The following GCN1 variants were observed in gnomAD, a reference collection of about 807,000 sequenced individuals.
GCN1 encodes GCN1 activator of EIF2AK4.
In GCN1, 90 loss-of-function variants were observed where a neutral mutation model predicts 288.4. The ratio of observed to expected loss-of-function variants is 0.31; its 90% CI spans 0.26 to 0.37. The LOEUF (loss-of-function observed/expected upper bound fraction) is 0.37, where lower values mean the gene tolerates loss of function less well. Ranked by LOEUF, GCN1 falls within the 10% of genes least tolerant of loss-of-function variation. The pLI, the probability that GCN1 is intolerant of heterozygous loss-of-function variation, is 1.00. For missense variants in GCN1, 2,586 were observed against 3,419.9 expected, an observed-to-expected ratio of 0.76 and a Z score of 6.08; for synonymous variants, 1,386 against 1,420.2, an observed-to-expected ratio of 0.98 and a Z score of 0.54.
At chr12:120,169,066 T>G (rs1006208813) in intron 15 of GCN1, among the ~76,000 whole-genome samples, 14 of 151,612 alleles carry the variant, frequency 9.2e-5, no homozygotes, top group Non-Finnish European at 5.9e-5. Flanking sequence ...GAGGCTGAGG[T>G]GGGTGGATCA....
Position 120,156,563 on chromosome 12 carries a change from G to A in GCN1, c.3210C>T (p.Ser1070=), listed in dbSNP as rs1180444753. 6.2e-7 allele frequency: 1 copy of A among 1,613,696 alleles called. No individual in the cohort carries two copies. Among genetic ancestry groups the A allele is most frequent in the African/African-American group, 1.3e-5 (1 of 74,914 alleles). ...SDTLTTLCAS[S]SGDDGCAFAE... ...CAAAGGCACAGCCATCATCACCACTGCTGCTGGCACACAGGGTGGTCAGGG... is the reference window on the plus strand; with the variant it reads ...CAAAGGCACAGCCATCATCACCACTACTGCTGGCACACAGGGTGGTCAGGG... Residue 1070 remains serine, a synonymous_variant, in exon 28 of 58, where the codon AGC becomes AGT. Transcript: ENST00000300648. This position sits in a 1 kb window ranked among gnomAD's most constrained non-coding sequence, Gnocchi z 5.8.
intron 34 of GCN1, among the ~76,000 whole-genome samples, chr12:120,150,814 G>C (rs1877522662): frequency 1.3e-5 from 2 of 152,138 alleles, no homozygotes; most frequent in South Asian, 4.1e-4. Context: ...GCGGGCGCCT[G>C]TGGTCCCAGC....
In GCN1 at chr12:120,166,742, G is replaced by A. The variant is rs1594279316; in HGVS notation, c.1612+1466C>T. 2.0e-5 allele frequency among the ~76,000 whole-genome samples: 3 copies of A among 151,510 alleles called. No homozygotes were observed. In the East Asian group the frequency reaches 5.8e-4, roughly 29 times the overall value. ...AAAAATTACTAAGGCCAGGCACGAT[G>A]GCTCATGTCTGTAACACCAACACTT... On this transcript the variant is annotated intron_variant, in intron 16 of 57. Coordinates refer to ENST00000300648, the MANE Select transcript of GCN1 (RefSeq NM_006836.2).
Position 120,156,426 on chromosome 12 carries a change from G to A in GCN1, c.3312+35C>T. 1.2e-6 allele frequency: 2 copies of A among 1,603,470 alleles called. No individual in the cohort carries two copies. The highest frequency in any genetic ancestry group is 1.7e-6 in the Non-Finnish European group (2 of 1,172,624). ...AATTTGCACTTGCATAGAGTGACAA[G>A]GGACACTGCAGTGGCTCTGAGACTG... On this transcript the variant is annotated intron_variant, in intron 28 of 57. Coordinates refer to ENST00000300648, the MANE Select transcript of GCN1 (RefSeq NM_006836.2). The surrounding 1 kb of genome is among the most constrained non-coding windows in gnomAD (Gnocchi z 5.8).
chr12:120,189,101 G>C (rs888780464), intron 2 of GCN1, among the ~76,000 whole-genome samples: 9 of 152,204 alleles, frequency 5.9e-5, no homozygotes, highest in South Asian at 2.1e-4. Flanking sequence ...ACGGAGTCTT[G>C]CTCTGTCGCC....
In GCN1 at chr12:120,131,121, T is replaced by C. The variant is rs1407965857; in HGVS notation, c.7563+64A>G. On this transcript the variant is annotated intron_variant, in intron 55 of 57. Transcript: ENST00000300648. ...CCCAGTCTGGGGTCCACCCGCGCTGTGTCCACAAGGTGCTGCCTATGGGAT... is the reference window on the plus strand; with the variant it reads ...CCCAGTCTGGGGTCCACCCGCGCTGCGTCCACAAGGTGCTGCCTATGGGAT... The C allele has an allele frequency of 7.4e-6, 11 of 1,485,168 alleles. No homozygotes were observed. In the Admixed American group the frequency reaches 1.0e-4, roughly 14 times the overall value. 92.0% of individuals were successfully genotyped at this position (1,485,168 alleles called of 1,614,324 possible). A position where few individuals can be genotyped will look rare whatever the true frequency, so the allele number is the denominator to read the frequency against.
intron 12 of GCN1, among the ~76,000 whole-genome samples, chr12:120,174,767 G>A (rs1334801021): frequency 1.4e-5 from 2 of 141,562 alleles, no homozygotes; most frequent in Non-Finnish European, 3.0e-5. Flanking sequence ...CTCCGGCCTG[G>A]CGACAGAGTG....
At chr12:120,187,271 GGC>G (rs1356834700) in intron 2 of GCN1, among the ~76,000 whole-genome samples, 2 of 149,372 alleles carry the variant, frequency 1.3e-5, no homozygotes, top group African/African-American at 4.9e-5. Flanking sequence ...GGAGTGCAAT[GGC>G]GCAATCTCAG....
intron 38 of GCN1, 68 bp downstream of exon 38, chr12:120,146,984 C>G: frequency 3.3e-6 from 3 of 904,514 alleles, no homozygotes; most frequent in Non-Finnish European, 4.8e-6. Context: ...TGTGGGGACT[C>G]TGCACCTCTG....
intron 1 of GCN1, among the ~76,000 whole-genome samples, chr12:120,193,547 C>T (rs1452939121): frequency 6.6e-6 from 1 of 152,182 alleles, no homozygotes; most frequent in Non-Finnish European, 1.5e-5. Context: ...TCAACTGATC[C>T]ACCCGCCTTG....
chr12:120,142,787 C>A lies in GCN1; in HGVS notation c.5613+37G>T. The A allele has an allele frequency of 6.3e-7, 1 of 1,597,368 alleles. No individual in the cohort carries two copies. The highest frequency in any genetic ancestry group is 8.6e-7 in the Non-Finnish European group (1 of 1,164,750). ...TATGGCATGGGCATCAGGGCACACC[C>A]TACCATCAGCAGGGGCAGGAAAGCC... On this transcript the variant is annotated intron_variant, in intron 43 of 57. Coordinates refer to ENST00000300648, the MANE Select transcript of GCN1 (RefSeq NM_006836.2). The surrounding 1 kb of genome is among the most constrained non-coding windows in gnomAD (Gnocchi z 4.9).
chr12:120,157,098 A>G, intron 26 of GCN1, 106 bp from the exon 27 acceptor site: 1 of 714,980 alleles, frequency 1.4e-6, no homozygotes, highest in Non-Finnish European at 2.5e-6. Context: ...ATTCTGGATC[A>G]TACAACCGGC....
In GCN1 at chr12:120,127,765, T is replaced by G; in HGVS notation, c.*84A>C. 7.0e-7 allele frequency: 1 copy of G among 1,429,082 alleles called. No homozygotes were observed. Among genetic ancestry groups the G allele is most frequent in the Non-Finnish European group, 9.7e-7 (1 of 1,030,062 alleles). The allele number at this position is 1,429,082 out of a possible 1,614,324, so 88.5% of individuals were successfully genotyped here. A position where few individuals can be genotyped will look rare whatever the true frequency, so the allele number is the denominator to read the frequency against. ...TTTCTGGGAACGCCATCTTCCAAGC[T>G]CCCCATTGGAACAAATGTATTTTCA... On this transcript the variant is annotated 3_prime_UTR_variant, in exon 58 of 58. Coordinates refer to ENST00000300648, the MANE Select transcript of GCN1 (RefSeq NM_006836.2).
chr12:120,142,691 C>T lies in GCN1; in HGVS notation c.5645G>A (p.Arg1882Gln), dbSNP rs1358968524. The T allele has an allele frequency of 6.2e-7, 1 of 1,614,074 alleles. No homozygotes were observed. The highest frequency in any genetic ancestry group is 1.1e-5 in the South Asian group (1 of 91,080). Residue 1882 changes from arginine (R) to glutamine (Q), a missense_variant, in exon 44 of 58, where the codon CGG (arginine) becomes CAG (glutamine). By Grantham distance (43) the Arg-to-Gln change is conservative (BLOSUM62 1). This residue lies in a region of GCN1 where 437 missense variants were observed against 570.5 expected (regional missense o/e 0.77). Coordinates refer to ENST00000300648, the MANE Select transcript of GCN1 (RefSeq NM_006836.2). The surrounding 1 kb of genome is among the most constrained non-coding windows in gnomAD (Gnocchi z 4.9). ...GTACAGCCCTGCCAACACCCGGTTC[C>T]GCCGCTCTACCCCCAGGGCAGTGAT... ...AIITALGVERRNRVLAGLYMG... is the reference protein window; with the variant it reads ...AIITALGVERQNRVLAGLYMG...
Position 120,177,609 on chromosome 12 carries a change from C to CA in GCN1, c.730-55dup, listed in dbSNP as rs1315490218. The CA allele has an allele frequency of 9.7e-6, 15 of 1,547,014 alleles. No individual in the cohort carries two copies. In the East Asian group the frequency reaches 2.0e-4, roughly 21 times the overall value. On this transcript the variant is annotated intron_variant, in intron 8 of 57. Coordinates refer to ENST00000300648, the MANE Select transcript of GCN1 (RefSeq NM_006836.2). ...GCCCTCATGGGAACGGACCAAGAAG[C>CA]AAAAAAGAGTTCAGCATCCCAGAAT...
At chr12:120,181,839 CAAAAA>C (rs1253486479) in intron 5 of GCN1, among the ~76,000 whole-genome samples, 2 of 59,954 alleles carry the variant, frequency 3.3e-5, no homozygotes, top group South Asian at 5.4e-4. Flanking sequence ...AACTCCGTCT[CAAAAA>C]AAAAAAAAAA....
intron 37 of GCN1, 146 bp from the exon 38 acceptor site, chr12:120,147,418 A>G: frequency 2.2e-6 from 1 of 460,434 alleles, no homozygotes; most frequent in Non-Finnish European, 3.9e-6. Context: ...GCTGGGGAAG[A>G]CAGGAAACCC....
chr12:120,186,946 C>T lies in GCN1; in HGVS notation c.122-2059G>A, dbSNP rs145270020. On this transcript the variant is annotated intron_variant, in intron 2 of 57. Coordinates refer to ENST00000300648, the MANE Select transcript of GCN1 (RefSeq NM_006836.2). The stretch of plus-strand genomic sequence containing the variant: ...ACTAGAGGCCTGTGACTGGAAAGAT[C>T]GGTATCACATGGCTGCCTTTTCTAA... Among the ~76,000 whole-genome samples, 405 of 152,298 alleles carry T rather than the reference C, an allele frequency of 2.7e-3. 1 individual carries two copies. The highest frequency in any genetic ancestry group is 9.3e-3 in the African/African-American group (387 of 41,550).
Position 120,158,426 on chromosome 12 carries a change from C to T in GCN1, c.2905+34G>A, listed in dbSNP as rs1049383510. 1.1e-5 allele frequency: 17 copies of T among 1,510,642 alleles called. No individual in the cohort carries two copies. The Admixed American group carries it at 1.5e-4, about 13-fold the overall frequency. The allele number at this position is 1,510,642 out of a possible 1,614,324, so 93.6% of individuals were successfully genotyped here. A position where few individuals can be genotyped will look rare whatever the true frequency, so the allele number is the denominator to read the frequency against. On this transcript the variant is annotated intron_variant, in intron 25 of 57. Coordinates refer to ENST00000300648, the MANE Select transcript of GCN1 (RefSeq NM_006836.2). The surrounding 1 kb of genome is among the most constrained non-coding windows in gnomAD (Gnocchi z 4.3). ...CAGCATTCCTGGCACCAGCTCACAC[C>T]GCCTGGTGCCCCTGATCCCGTCCCA...
Sources: allele counts gnomAD v4.1 joint callset (sites outside exome capture counted in the v4.1 genomes callset), GRCh38; gene constraint gnomAD v4.1.1; regional missense constraint gnomAD v4.1.1; non-coding constraint Gnocchi (gnomAD v3.1); transcripts MANE v1.5; gene names NCBI Gene and HGNC (gene_info 2026-07-23, HGNC 2026-07-21).